CTNNA3: variants seen among roughly 807,000 people sequenced by gnomAD.
CTNNA3 encodes the protein catenin alpha 3.
CTNNA3 carries 76 observed loss-of-function variants against 95.7 expected under a neutral mutation model. The ratio of observed to expected loss-of-function variants is 0.79; its 90% CI spans 0.66 to 0.96. The LOEUF (loss-of-function observed/expected upper bound fraction) is 0.96. CTNNA3 is among the 40% of genes least tolerant of loss of function. CTNNA3 has a pLI of 0.00. For missense variants in CTNNA3, 1,191 were observed against 1,089.8 expected (o/e 1.09, Z -1.31); for synonymous variants, 431 against 374.4 (o/e 1.15, Z -1.74).
At chr10:66,658,275 T>A (rs1846139551) in intron 9 of CTNNA3, among the ~76,000 whole-genome samples, 1 of 152,062 alleles carries the variant, frequency 6.6e-6, no homozygotes, top group Admixed American at 6.6e-5. Context: ...CATTCATTTC[T>A]TCATTTGAAA....
Position 67,723,896 on chromosome 10 carries a change from G to A in CTNNA3, c.-2+39538C>T, listed in dbSNP as rs376990948. Among the ~76,000 whole-genome samples the A allele has an allele frequency of 3.3e-5, 5 of 152,222 alleles. No individual in the cohort carries two copies. The East Asian group carries it at 5.8e-4, about 18-fold the overall frequency. ...GACACAGGGAGCCTACTAAGTATAT[G>A]CATATCCATCGAAGTTCAGAGGAGT... On this transcript the variant is annotated intron_variant, in intron 1 of 17. Transcript: ENST00000684154.
intron 5 of CTNNA3, among the ~76,000 whole-genome samples, chr10:67,396,009 C>T (rs1844693362): frequency 6.6e-6 from 1 of 152,050 alleles, no homozygotes; most frequent in Admixed American, 6.6e-5. Context: ...TTAAAAACAT[C>T]ACTTTAAATG....
At chr10:66,450,587 T>C (rs1409823442) in intron 11 of CTNNA3, among the ~76,000 whole-genome samples, 1 of 152,104 alleles carries the variant, frequency 6.6e-6, no homozygotes, top group East Asian at 1.9e-4. Context: ...AATTGCATTT[T>C]ACAATAGGTA....
chr10:67,608,724 C>T (rs939805370), intron 2 of CTNNA3, among the ~76,000 whole-genome samples: 10 of 151,974 alleles, frequency 6.6e-5, no homozygotes, highest in South Asian at 2.1e-4. Flanking sequence ...ATAATAAGAA[C>T]ATTATTTGAA....
At chr10:67,762,508 G>GAAAAA (rs1363023991) in intron 1 of CTNNA3, among the ~76,000 whole-genome samples, 1 of 151,934 alleles carries the variant, frequency 6.6e-6, no homozygotes, top group African/African-American at 2.4e-5. Flanking sequence ...GGTTACAGAA[G>GAAAAA]AAAAGGAACT....
At chr10:66,032,570 T>C (rs1466037188) in intron 15 of CTNNA3, among the ~76,000 whole-genome samples, 1 of 152,198 alleles carries the variant, frequency 6.6e-6, no homozygotes, top group East Asian at 1.9e-4. Context: ...TATTCATTTT[T>C]ATAATTCATT....
chr10:67,556,115 T>C (rs1564736257), intron 3 of CTNNA3, among the ~76,000 whole-genome samples: 1 of 152,210 alleles, frequency 6.6e-6, no homozygotes, highest in Non-Finnish European at 1.5e-5. Context: ...CACTTGATCA[T>C]GGTGGATAAG....
chr10:66,319,397 C>T (rs2092150846), intron 12 of CTNNA3, among the ~76,000 whole-genome samples: 1 of 152,060 alleles, frequency 6.6e-6, no homozygotes, highest in East Asian at 1.9e-4. Flanking sequence ...GCCTACTTTT[C>T]AGCTAGGGAT....
chr10:65,939,129 T>C (rs1341079989), intron 17 of CTNNA3, among the ~76,000 whole-genome samples: 1 of 152,024 alleles, frequency 6.6e-6, no homozygotes, highest in Non-Finnish European at 1.5e-5. Context: ...ATGGTCTCCA[T>C]CTCCTGACCT....
chr10:67,750,896 T>A (rs1841403409), intron 1 of CTNNA3: 11 of 1,610,734 alleles, frequency 6.8e-6, no homozygotes, highest in African/African-American at 1.3e-5. Flanking sequence ...TCCAAGGGCA[T>A]CACCATTATG....
intron 12 of CTNNA3, among the ~76,000 whole-genome samples, chr10:66,301,403 T>C (rs1054878487): frequency 6.6e-6 from 1 of 151,918 alleles, no homozygotes; most frequent in Non-Finnish European, 1.5e-5. Context: ...CTTACGAACA[T>C]AAATGCCAAG....
chr10:67,345,379 T>C (rs1416144165), intron 5 of CTNNA3, among the ~76,000 whole-genome samples: 1 of 152,160 alleles, frequency 6.6e-6, no homozygotes, highest in Admixed American at 6.5e-5. Flanking sequence ...AAGTCCAATG[T>C]TTCTTTGTTG....
At chr10:66,055,776 G>T (rs1181185516) in intron 15 of CTNNA3, among the ~76,000 whole-genome samples, 2 of 152,022 alleles carry the variant, frequency 1.3e-5, no homozygotes, top group South Asian at 4.1e-4. Context: ...ACAGAAATTA[G>T]CTGGGTATGG....
chr10:66,757,204 G>T (rs865967531), intron 9 of CTNNA3, among the ~76,000 whole-genome samples: 4 of 152,030 alleles, frequency 2.6e-5, no homozygotes, highest in Non-Finnish European at 5.9e-5. Flanking sequence ...TTACTTCTTG[G>T]TAACCTACTG....
At chr10:67,623,335 T>C (rs536585039) in intron 2 of CTNNA3, among the ~76,000 whole-genome samples, 16 of 152,334 alleles carry the variant, frequency 1.1e-4, no homozygotes, top group African/African-American at 3.8e-4. Flanking sequence ...AATCTGTCTG[T>C]AGAGCAGTGG....
At chr10:67,121,981 CAAAAAAAAAAAAA>C (rs370358378) in intron 7 of CTNNA3, among the ~76,000 whole-genome samples, 710 of 47,158 alleles carry the variant, frequency 0.015, 10 homozygotes, top group African/African-American at 0.045. Context: ...TTATTCTGAG[CAAAAAAAAAAAAA>C]AAAAAAAAAA....
At chr10:66,078,737 G>A (rs576190838) in intron 14 of CTNNA3, among the ~76,000 whole-genome samples, 13 of 151,694 alleles carry the variant, frequency 8.6e-5, no homozygotes, top group South Asian at 2.1e-4. Context: ...TTGGTTCCTC[G>A]TTCCAGAATG....
chr10:66,047,825 A>T (rs967277404), intron 15 of CTNNA3, among the ~76,000 whole-genome samples: 3 of 152,142 alleles, frequency 2.0e-5, no homozygotes, highest in East Asian at 3.9e-4. Context: ...ATTCCTATAC[A>T]CCCACAATAG....
At chr10:67,531,880 AT>A (rs1490518156) in intron 4 of CTNNA3, among the ~76,000 whole-genome samples, 1 of 152,102 alleles carries the variant, frequency 6.6e-6, no homozygotes. Flanking sequence ...CACTGTTCTC[AT>A]GATAGTGGAA....
Sources: gnomAD v4.1 joint callset for allele counts (sites outside exome capture counted in the v4.1 genomes callset) on GRCh38, gnomAD v4.1.1 for gene constraint, MANE v1.5 for transcripts, NCBI Gene and HGNC (gene_info 2026-07-23, HGNC 2026-07-21) for gene names.